MEF2B: variants seen among roughly 807,000 people sequenced by gnomAD.
MEF2B encodes myocyte-specific enhancer factor 2B.
In MEF2B, 15 loss-of-function variants were observed where a neutral mutation model predicts 32.2. The observed-to-expected ratio is 0.47, with a 90% CI of 0.31 to 0.72. The LOEUF (loss-of-function observed/expected upper bound fraction) is 0.72, where lower values mean the gene tolerates loss of function less well. Among genes scored for constraint, MEF2B ranks in the 30% least tolerant of loss-of-function variants. MEF2B has a pLI of 0.05. For missense variants in MEF2B, 441 were observed against 511.5 expected (o/e 0.86, Z 1.33); for synonymous variants, 205 against 225.6 (o/e 0.91, Z 0.82).
chr19:19,156,815 C>CA (rs2146368732), intron 1 of MEF2B, among the ~76,000 whole-genome samples: 1 of 152,246 alleles, frequency 6.6e-6, no homozygotes, highest in African/African-American at 2.4e-5. Flanking sequence ...CCACACCCAG[C>CA]AAATTTTTAA....
At chr19:19,165,283 C>T (rs901657026) in intron 1 of MEF2B, among the ~76,000 whole-genome samples, 2 of 152,024 alleles carry the variant, frequency 1.3e-5, no homozygotes, top group African/African-American at 4.8e-5. Flanking sequence ...AGGGAGAGAG[C>T]TGCTTTGGAC....
rs76048349 is a variant in MEF2B, at chr19:19,159,520, T to C, written c.-29-8756A>G. ...AGGAAGAGGCTGGGCCAGTGGGAAA[T>C]ACAGAGTTTGAATGGAGACAGGGGT... On this transcript the variant is annotated intron_variant, in intron 1 of 8. Transcript: ENST00000424583. 8.0e-3 allele frequency among the ~76,000 whole-genome samples: 1,208 copies of C among 151,948 alleles called. 85 individuals are homozygous for C. The East Asian group carries it at 0.18, about 23-fold the overall frequency.
At chr19:19,156,528 T>C (rs1259197211) in intron 1 of MEF2B, among the ~76,000 whole-genome samples, 1 of 152,106 alleles carries the variant, frequency 6.6e-6, no homozygotes, top group African/African-American at 2.4e-5. Context: ...ATTAAAATAA[T>C]AACTAAAAAA....
rs2060019017 is a variant in MEF2B, at chr19:19,145,731, G to T, written c.*66C>A. ...CTTCTCTGAAGAGGCCTGGAGGGAG[G>T]TGGGGTCCCCACGTGCCCTCGCCGT... On this transcript the variant is annotated 3_prime_UTR_variant, in exon 9 of 9. Coordinates refer to ENST00000424583, the MANE Select transcript of MEF2B (RefSeq NM_001145785.2). The surrounding 1 kb of genome is among the most constrained non-coding windows in gnomAD (Gnocchi z 4.6). The T allele has an allele frequency of 6.4e-7, 1 of 1,557,910 alleles. No individual in the cohort carries two copies. The highest frequency in any genetic ancestry group is 8.7e-7 in the Non-Finnish European group (1 of 1,151,126).
Position 19,170,218 on chromosome 19 carries a change from G to A in MEF2B, c.-43C>T. Reference sequence around the variant, plus strand: ...TATGACACGCACCTGCTCGGCCTGGGCCCTGGGACGCTGGGCGCACGGACC... The same window carrying A: ...TATGACACGCACCTGCTCGGCCTGGACCCTGGGACGCTGGGCGCACGGACC... On this transcript the variant is annotated 5_prime_UTR_variant, in exon 1 of 9. Transcript: ENST00000424583. The A allele has an allele frequency of 2.5e-6, 1 of 398,546 alleles. No homozygotes were observed. Among genetic ancestry groups the A allele is most frequent in the Non-Finnish European group, 4.4e-6 (1 of 225,992 alleles). 24.7% of individuals were successfully genotyped at this position (398,546 alleles called of 1,614,324 possible).
chr19:19,149,441 A>G lies in MEF2B; in HGVS notation c.55-12T>C, dbSNP rs374892207. The G allele has an allele frequency of 2.1e-5, 34 of 1,613,840 alleles. No individual in the cohort carries two copies. Among genetic ancestry groups the G allele is most frequent in the Non-Finnish European group, 2.8e-5 (33 of 1,180,000 alleles). On this transcript the variant is annotated splice_polypyrimidine_tract_variant and intron_variant, in intron 2 of 8. Coordinates refer to ENST00000424583, the MANE Select transcript of MEF2B (RefSeq NM_001145785.2). ...TTGGTGAACGTCACCTGGACCCAGG[A>G]CCCACAGGGGCAGGGGAGAGAAGAA... is the stretch of plus-strand genomic sequence containing the variant.
chr19:19,167,743 G>A (rs540284154), intron 1 of MEF2B, among the ~76,000 whole-genome samples: 49 of 152,248 alleles, frequency 3.2e-4, no homozygotes, highest in African/African-American at 9.4e-4. Flanking sequence ...AGCTTGCTCC[G>A]CTCACAGGAG....
rs1399140890 is a variant in MEF2B at position 19,147,356 on chromosome 19, G to A, written c.394-173C>T. Among the ~76,000 whole-genome samples the A allele has an allele frequency of 2.3e-5, 3 of 130,188 alleles. 1 individual carries two copies. Among genetic ancestry groups the A allele is most frequent in the Admixed American group, 1.6e-4 (2 of 12,618 alleles). 85.4% of individuals were successfully genotyped at this position (130,188 alleles called of 152,430 possible). ...CCCCCTGCCCTAACCCTACAGGCTG[G>A]GGGAGCTTCTGTCTGGCTCTGCCTG... On this transcript the variant is annotated intron_variant, in intron 4 of 8. Transcript: ENST00000424583.
chr19:19,155,834 G>C (rs952390809), intron 1 of MEF2B, among the ~76,000 whole-genome samples: 6 of 152,218 alleles, frequency 3.9e-5, no homozygotes, highest in East Asian at 1.9e-4. Flanking sequence ...AGGCACGAGG[G>C]GGGAAGCTGA....
At position 19,146,364 on chromosome 19, in the gene MEF2B, G is replaced by A; in HGVS notation, c.790C>T (p.Pro264Ser). The A allele has an allele frequency of 1.8e-6, 2 of 1,101,634 alleles. No homozygotes were observed. The highest frequency in any genetic ancestry group is 3.0e-5 in the East Asian group (1 of 33,306). 68.2% of individuals were successfully genotyped at this position (1,101,634 alleles called of 1,614,324 possible). A position where few individuals can be genotyped will look rare whatever the true frequency, so the allele number is the denominator to read the frequency against. ...GGCTGCAACAAGCCAGGGGGCGGTG[G>A]AGGGTCTCCCAGGCCATATTCTGGT... ...GPPEYGLGDP[P>S]PPPGLLQPPT... Residue 264 changes from proline to serine, a missense_variant, in exon 8 of 9, where the codon CCA becomes TCA. This residue lies in a region of MEF2B where 326 missense variants were observed against 328.4 expected (regional missense o/e 0.99). Transcript: ENST00000424583.
intron 1 of MEF2B, among the ~76,000 whole-genome samples, chr19:19,162,264 G>A (rs534291408): frequency 1.3e-5 from 2 of 152,080 alleles, no homozygotes; most frequent in African/African-American, 2.4e-5. Context: ...GGCTACAAGC[G>A]CACACCTAAT....
chr19:19,162,770 C>T lies in MEF2B; in HGVS notation c.-30+7435G>A, dbSNP rs114724284. On this transcript the variant is annotated intron_variant, in intron 1 of 8. Coordinates refer to ENST00000424583, the MANE Select transcript of MEF2B (RefSeq NM_001145785.2). ...ACTCCAGGATCCCATTTTGGCCATGCACAGAGAGGCCAGGGCCGGGGCTGT... is the reference window on the plus strand; with the variant it reads ...ACTCCAGGATCCCATTTTGGCCATGTACAGAGAGGCCAGGGCCGGGGCTGT... Among the ~76,000 whole-genome samples the T allele has an allele frequency of 1.2e-3, 178 of 152,308 alleles. 1 individual carries two copies. Among genetic ancestry groups the T allele is most frequent in the African/African-American group, 4.1e-3 (169 of 41,564 alleles).
chr19:19,160,207 T>C (rs1356279236), intron 1 of MEF2B, among the ~76,000 whole-genome samples: 1 of 152,014 alleles, frequency 6.6e-6, no homozygotes, highest in Non-Finnish European at 1.5e-5. Flanking sequence ...TGACCTCAAG[T>C]GATCCGCCTG....
chr19:19,158,179 C>G (rs1206113422), intron 1 of MEF2B, among the ~76,000 whole-genome samples: 1 of 151,700 alleles, frequency 6.6e-6, no homozygotes, highest in East Asian at 2.0e-4. Flanking sequence ...CCTCCACTTC[C>G]CGAGTTCAAG....
rs773510135 is a variant in MEF2B at position 19,149,376 on chromosome 19, G to A, written c.108C>T (p.Ser36=). The change falls in exon 3 of 9, where the codon AGC becomes AGT. Residue 36 remains serine (S), a synonymous_variant. Transcript: ENST00000424583. Reference sequence around the variant, plus strand: ...GGGCTATCTCACAGTCACAGAGCACGCTCAGCTCATAGGCCTTCTTCATCA... The same window carrying A: ...GGGCTATCTCACAGTCACAGAGCACACTCAGCTCATAGGCCTTCTTCATCA... ...FGLMKKAYEL[S]VLCDCEIALI... 9.7e-5 allele frequency: 156 copies of A among 1,613,926 alleles called. 1 individual carries two copies. Among genetic ancestry groups the A allele is most frequent in the Middle Eastern group, 3.3e-4 (2 of 6,084 alleles).
rs2146353167 is a variant in MEF2B at position 19,147,728 on chromosome 19, AC to A, written c.362del (p.Gly121ValfsTer102). ...EKFRRLAGEG[G>X]DPALPRPRLY... ...GCCGGGGTCGGGGCAAGGCCGGATC[AC>A]CCCCTTCGCCTGCCAGCCTCCGAAA... On this transcript the variant is annotated frameshift_variant, in exon 4 of 9. Coordinates refer to ENST00000424583, the MANE Select transcript of MEF2B (RefSeq NM_001145785.2). LOFTEE classifies it high-confidence loss of function. 6.3e-7 allele frequency: 1 copy of A among 1,590,992 alleles called. No individual in the cohort carries two copies. The highest frequency in any genetic ancestry group is 8.5e-7 in the Non-Finnish European group (1 of 1,171,564).
At position 19,149,424 on chromosome 19, in the gene MEF2B, C is replaced by A; in HGVS notation, c.60G>T (p.Thr20=). The change falls in exon 3 of 9, where the codon ACG becomes ACT. Residue 20 remains threonine, a synonymous_variant. Coordinates refer to ENST00000424583, the MANE Select transcript of MEF2B (RefSeq NM_001145785.2). ...RILDQRNRQV[T]FTKRKFGLMK... ...TCAGCCCGAACTTCCGCTTGGTGAA[C>A]GTCACCTGGACCCAGGACCCACAGG... 4 of 1,613,950 alleles carry A rather than the reference C, an allele frequency of 2.5e-6. No homozygotes were observed. The highest frequency in any genetic ancestry group is 3.4e-6 in the Non-Finnish European group (4 of 1,180,012).
At chr19:19,169,493 G>C (rs113498769) in intron 1 of MEF2B, among the ~76,000 whole-genome samples, 1,760 of 152,274 alleles carry the variant, frequency 0.012, 38 homozygotes, top group African/African-American at 0.039. Flanking sequence ...ATGAGCCACA[G>C]TGCCCGGCCA....
intron 3 of MEF2B, among the ~76,000 whole-genome samples, chr19:19,148,356 T>C (rs1036915013): frequency 8.5e-5 from 13 of 152,132 alleles, no homozygotes; most frequent in South Asian, 2.1e-4. Context: ...TCAGAGCTAT[T>C]TGGGAGGCTG....
Sources: allele counts gnomAD v4.1 joint callset (sites outside exome capture counted in the v4.1 genomes callset), GRCh38; gene constraint gnomAD v4.1.1; regional missense constraint gnomAD v4.1.1; non-coding constraint Gnocchi (gnomAD v3.1); transcripts MANE v1.5; gene names NCBI Gene and HGNC (gene_info 2026-07-23, HGNC 2026-07-21).